EXOC3: variants seen among roughly 807,000 people sequenced by gnomAD.
The protein encoded by EXOC3 is SEC6-like 1.
In EXOC3, 21 loss-of-function variants were observed where a neutral mutation model predicts 73.7. The ratio of observed to expected loss-of-function variants is 0.29; its 90% CI spans 0.20 to 0.41. The LOEUF is 0.41. EXOC3 is among the 10% of genes least tolerant of loss of function. The pLI, the probability that EXOC3 is intolerant of heterozygous loss-of-function variation, is 1.00. For missense variants in EXOC3, 842 were observed against 985.1 expected (o/e 0.85, Z 1.95); for synonymous variants, 410 against 389.1 (o/e 1.05, Z -0.63).
intron 3 of EXOC3, among the ~76,000 whole-genome samples, chr5:450,635 C>G (rs568597597): frequency 1.3e-5 from 2 of 152,132 alleles, no homozygotes; most frequent in Non-Finnish European, 2.9e-5. Flanking sequence ...ATATTGAAGC[C>G]TCCGACTATT....
In EXOC3 at chr5:453,711, G is replaced by C. The variant is rs767116120; in HGVS notation, c.706G>C (p.Val236Leu). The change falls in exon 4 of 13, where the codon GTT (valine) becomes CTT (leucine). Residue 236 changes from valine to leucine, a missense_variant. Transcript: ENST00000512944. Reference protein sequence around the residue: ...ILDRKKQTGFVPPGRPKNWKE... With the variant: ...ILDRKKQTGFLPPGRPKNWKE... Reference sequence around the variant, plus strand: ...TGACCGGAAAAAGCAAACTGGCTTTGTTCCTCCTGGGAGGCCCAAGAATTG... The same window carrying C: ...TGACCGGAAAAAGCAAACTGGCTTTCTTCCTCCTGGGAGGCCCAAGAATTG... 51 of 1,613,814 alleles carry C rather than the reference G, an allele frequency of 3.2e-5. No individual in the cohort carries two copies. The highest frequency in any genetic ancestry group is 4.2e-5 in the Non-Finnish European group (50 of 1,179,898).
intron 5 of EXOC3, 124 bp from the exon 6 acceptor site, chr5:457,776 G>C: frequency 1.9e-6 from 2 of 1,076,430 alleles, no homozygotes; most frequent in Non-Finnish European, 2.6e-6. Context: ...ATTTGAGAAA[G>C]AGGACGCTGG....
intron 9 of EXOC3, among the ~76,000 whole-genome samples, chr5:462,879 G>A (rs919983448): frequency 6.6e-5 from 10 of 152,224 alleles, no homozygotes; most frequent in African/African-American, 2.4e-4. Flanking sequence ...GCCAAGGTAG[G>A]CGGATCACCT....
At chr5:464,743 C>G in intron 10 of EXOC3, 1 of 410,530 alleles carries the variant, frequency 2.4e-6, no homozygotes, top group Non-Finnish European at 4.5e-6. Flanking sequence ...CCTGCAGGAC[C>G]CAGGTTCCTC....
intron 12 of EXOC3, chr5:466,362 C>A: frequency 3.7e-6 from 1 of 268,628 alleles, no homozygotes; most frequent in Non-Finnish European, 7.1e-6. Flanking sequence ...TGTCTCAGGG[C>A]ACCTGCCACT....
chr5:464,400 G>T lies in EXOC3; in HGVS notation c.1764G>T (p.Lys588Asn). 6.2e-7 allele frequency: 1 copy of T among 1,613,670 alleles called. No individual in the cohort carries two copies. The highest frequency in any genetic ancestry group is 8.5e-7 in the Non-Finnish European group (1 of 1,179,660). ...DYFNDFAKIKKPYKKRMTAEA... is the reference protein window; with the variant it reads ...DYFNDFAKIKNPYKKRMTAEA... ...TCAACGATTTTGCCAAAATTAAAAA[G>T]CCGTATAAGAAGGTAAGAAGGTGGG... The change falls in exon 10 of 13, where the codon AAG (lysine) becomes AAT (asparagine). Residue 588 changes from lysine to asparagine, a missense_variant. By Grantham distance (94) the Lys-to-Asn change is moderately conservative. Coordinates refer to ENST00000512944, the MANE Select transcript of EXOC3 (RefSeq NM_007277.5).
At chr5:445,722 C>T (rs948756162) in intron 1 of EXOC3, among the ~76,000 whole-genome samples, 8 of 152,104 alleles carry the variant, frequency 5.3e-5, no homozygotes, top group Admixed American at 3.9e-4. Flanking sequence ...GGTACCTGGT[C>T]GGGGGAGTTG....
At chr5:462,345 G>A (rs776701887) in intron 9 of EXOC3, 38 bp downstream of exon 9, 19 of 1,610,774 alleles carry the variant, frequency 1.2e-5, no homozygotes, top group African/African-American at 5.3e-5. Flanking sequence ...TTTCTGGGCC[G>A]AAGCCCAGTG....
Position 465,734 on chromosome 5 carries a change from T to C in EXOC3, c.1955T>C (p.Val652Ala). 6.2e-7 allele frequency: 1 copy of C among 1,613,860 alleles called. No homozygotes were observed. The highest frequency in any genetic ancestry group is 1.6e-4 in the Middle Eastern group (1 of 6,062). Reference protein sequence around the residue: ...RKLASGFGEDVDGYCDTIVAV... With the variant: ...RKLASGFGEDADGYCDTIVAV... ...GCCTTCCAGGGTTTCGGGGAAGACG[T>C]GGACGGATACTGCGACACCATCGTG... is the stretch of plus-strand genomic sequence containing the variant. Residue 652 changes from valine to alanine, a missense_variant, in exon 12 of 13, where the codon GTG becomes GCG. Coordinates refer to ENST00000512944, the MANE Select transcript of EXOC3 (RefSeq NM_007277.5).
intron 12 of EXOC3, chr5:466,523 C>G (rs1274427851): frequency 7.2e-6 from 4 of 557,002 alleles, no homozygotes; most frequent in African/African-American, 5.6e-5. Context: ...GTTGAAAAAT[C>G]TTTCTGCAAT....
chr5:461,699 T>C (rs1467571670), intron 7 of EXOC3: 1 of 466,212 alleles, frequency 2.1e-6, no homozygotes, highest in Non-Finnish European at 3.9e-6. Context: ...ACTCCTGGGC[T>C]CAGGTGGTCT....
Position 465,714 on chromosome 5 carries a change from C to T in EXOC3, c.1939-4C>T. On this transcript the variant is annotated splice_polypyrimidine_tract_variant and splice_region_variant and intron_variant, in intron 11 of 12. Transcript: ENST00000512944. ...CGGCTCCTCACATTGCTGCTGCCTTCCAGGGTTTCGGGGAAGACGTGGACG... is the reference window on the plus strand; with the variant it reads ...CGGCTCCTCACATTGCTGCTGCCTTTCAGGGTTTCGGGGAAGACGTGGACG... 1 of 1,613,816 alleles carries T rather than the reference C, an allele frequency of 6.2e-7. No homozygotes were observed. Among genetic ancestry groups the T allele is most frequent in the Non-Finnish European group, 8.5e-7 (1 of 1,179,868 alleles).
At chr5:455,871 T>C (rs1218209099) in intron 4 of EXOC3, among the ~76,000 whole-genome samples, 1 of 152,242 alleles carries the variant, frequency 6.6e-6, no homozygotes, top group Non-Finnish European at 1.5e-5. Context: ...CCCAAAGTGC[T>C]GGGATTACAG....
rs1553990996 is a variant in EXOC3, at chr5:443,229, G to GGGCGGCGGGGGCGGC, written c.-110_-109insGGGCGGCGGCGGCGG. ...GCAGCGAAGGCGGAGGGGGCGGCGG[G>GGGCGGCGGGGGCGGC]GGCGGCGGCGGCGGCGGCGGCGGCG... On this transcript the variant is annotated 5_prime_UTR_variant, in exon 1 of 13. Transcript: ENST00000512944. 1.3e-4 allele frequency: 18 copies of GGGCGGCGGGGGCGGC among 138,914 alleles called. No homozygotes were observed. Among genetic ancestry groups the GGGCGGCGGGGGCGGC allele is most frequent in the Middle Eastern group, 3.1e-3 (1 of 320 alleles). The allele number at this position is 138,914 out of a possible 1,614,324, so 8.6% of individuals were successfully genotyped here.
Position 444,506 on chromosome 5 carries a change from C to G in EXOC3, c.-57+1216C>G, listed in dbSNP as rs375856853. 2.5e-3 allele frequency among the ~76,000 whole-genome samples: 383 copies of G among 152,308 alleles called. 3 individuals carry two copies. In the Middle Eastern group the frequency reaches 0.034, roughly 14 times the overall value. ...TCCACTTCTTGGGTTATTATCCAGCCCTATAATCAAAATCATACAGGCTTT... is the reference window on the plus strand; with the variant it reads ...TCCACTTCTTGGGTTATTATCCAGCGCTATAATCAAAATCATACAGGCTTT... On this transcript the variant is annotated intron_variant, in intron 1 of 12. Transcript: ENST00000512944.
At chr5:459,084 C>T (rs1486904878) in intron 6 of EXOC3, among the ~76,000 whole-genome samples, 1 of 152,186 alleles carries the variant, frequency 6.6e-6, no homozygotes, top group Non-Finnish European at 1.5e-5. Flanking sequence ...AAACTCCAGT[C>T]ACGTAGTGTG....
chr5:456,848 T>A (rs1401727593), intron 4 of EXOC3, 41 bp from the exon 5 acceptor site: 15 of 1,449,314 alleles, frequency 1.0e-5, no homozygotes, highest in Non-Finnish European at 1.5e-5. Context: ...CTCTTCTGTG[T>A]CTGTCGTGGT....
intron 3 of EXOC3, among the ~76,000 whole-genome samples, chr5:450,195 G>A (rs1025353768): frequency 7.9e-5 from 12 of 152,208 alleles, no homozygotes; most frequent in Non-Finnish European, 1.8e-4. Context: ...ACAGTGAGCC[G>A]AGATCGCACC....
At chr5:463,742 C>G (rs1408311501) in intron 9 of EXOC3, among the ~76,000 whole-genome samples, 1 of 152,122 alleles carries the variant, frequency 6.6e-6, no homozygotes, top group African/African-American at 2.4e-5. Flanking sequence ...AAAAATTCAA[C>G]TTTAAGGAAT....
Sources: allele counts gnomAD v4.1 joint callset (sites outside exome capture counted in the v4.1 genomes callset), GRCh38; gene constraint gnomAD v4.1.1; transcripts MANE v1.5; gene names NCBI Gene and HGNC (gene_info 2026-07-23, HGNC 2026-07-21).